CDK15: variants seen among roughly 807,000 people sequenced by gnomAD.
CDK15 encodes the protein cyclin-dependent kinase 15.
A neutral mutation model predicts 60.3 loss-of-function variants in CDK15; 62 were observed. The ratio of observed to expected loss-of-function variants is 1.03; its 90% confidence interval spans 0.84 to 1.27. The LOEUF (loss-of-function observed/expected upper bound fraction) is 1.27, where lower values mean the gene tolerates loss of function less well. Ranked by LOEUF, CDK15 falls within the 50% of genes most tolerant of loss-of-function variation. CDK15 has a pLI of 0.00. For missense variants in CDK15, 541 were observed against 527.8 expected (o/e 1.03, Z -0.25); for synonymous variants, 194 against 195.7 (o/e 0.99, Z 0.07).
chr2:201,878,624 G>A (rs935700303), intron 11 of CDK15, among the ~76,000 whole-genome samples: 6 of 152,024 alleles, frequency 3.9e-5, no homozygotes, highest in African/African-American at 1.5e-4. Flanking sequence ...TCCATCTCAG[G>A]GGAACCAAAA....
chr2:201,847,537 G>T (rs1170267245), intron 9 of CDK15, 63 bp downstream of exon 9: 12 of 1,427,104 alleles, frequency 8.4e-6, no homozygotes, highest in Non-Finnish European at 1.2e-5. Flanking sequence ...AACCAAATTT[G>T]CCTTACAGAC....
At chr2:201,851,013 C>T (rs952155370) in intron 9 of CDK15, among the ~76,000 whole-genome samples, 5 of 152,072 alleles carry the variant, frequency 3.3e-5, no homozygotes, top group Admixed American at 6.6e-5. Context: ...AGAAATTGGC[C>T]GGGCGCAGTG....
intron 11 of CDK15, among the ~76,000 whole-genome samples, chr2:201,875,381 C>T (rs961577741): frequency 3.9e-5 from 6 of 152,156 alleles, no homozygotes; most frequent in Non-Finnish European, 8.8e-5. Context: ...GAATCTACAG[C>T]TCTTCTAGCT....
At chr2:201,870,205 G>A (rs776851027) in intron 10 of CDK15, among the ~76,000 whole-genome samples, 22 of 152,058 alleles carry the variant, frequency 1.4e-4, no homozygotes, top group Non-Finnish European at 2.6e-4. Flanking sequence ...TTTCAAAAAT[G>A]TTTGAGAAAA....
chr2:201,866,214 G>A (rs549683657), intron 10 of CDK15, among the ~76,000 whole-genome samples: 24 of 152,220 alleles, frequency 1.6e-4, no homozygotes, highest in Admixed American at 3.9e-4. Context: ...CAGAGGTGTA[G>A]TTCAGTAGAC....
At chr2:201,849,052 G>C (rs937138493) in intron 9 of CDK15, among the ~76,000 whole-genome samples, 14 of 152,180 alleles carry the variant, frequency 9.2e-5, no homozygotes, top group African/African-American at 1.4e-4. Context: ...TACTGTCATA[G>C]CTTTGGAGTC....
chr2:201,819,892 C>T (rs1380887470), intron 4 of CDK15, among the ~76,000 whole-genome samples: 1 of 152,154 alleles, frequency 6.6e-6, no homozygotes, highest in Non-Finnish European at 1.5e-5. Flanking sequence ...CCTACTCCTA[C>T]AAAAACTGTA....
chr2:201,882,605 A>G lies in CDK15; in HGVS notation c.1198+2438A>G, dbSNP rs1699319500. ...AGAAGATGAAAGCGCCGGTGCCAAG[A>G]GACAGGGAAAGGCGGGGGCAAGATT... On this transcript the variant is annotated intron_variant, in intron 12 of 13. Coordinates refer to ENST00000652192, the MANE Select transcript of CDK15 (RefSeq NM_001366386.2). The surrounding 1 kb of genome is among the most constrained non-coding windows in gnomAD (Gnocchi z 4.0). Among the ~76,000 whole-genome samples, 1 of 150,364 alleles carries G rather than the reference A, an allele frequency of 6.7e-6. No homozygotes were observed.
intron 8 of CDK15, among the ~76,000 whole-genome samples, chr2:201,841,491 T>C (rs775903130): frequency 3.3e-5 from 5 of 152,200 alleles, no homozygotes; most frequent in Admixed American, 2.0e-4. Context: ...ATCCCTCTCC[T>C]CCCATTTTTT....
Position 201,847,388 on chromosome 2 carries a change from G to C in CDK15, c.859G>C (p.Gly287Arg). The change falls in exon 9 of 14, where the codon GGC becomes CGC. Residue 287 changes from glycine (G) to arginine (R), a missense_variant. Coordinates refer to ENST00000652192, the MANE Select transcript of CDK15 (RefSeq NM_001366386.2). ...TCTTATTTCATTTGCTAGGGGTGCA[G>C]GCTGCATCTTTATTGAAATGTTCCA... The part of the protein sequence containing the change: ...YSSELDIWGA[G>R]CIFIEMFQGQ... The C allele has an allele frequency of 6.2e-7, 1 of 1,613,920 alleles. No homozygotes were observed. The highest frequency in any genetic ancestry group is 1.3e-5 in the African/African-American group (1 of 75,012).
At chr2:201,864,596 G>A (rs1162822920) in intron 10 of CDK15, among the ~76,000 whole-genome samples, 1 of 152,188 alleles carries the variant, frequency 6.6e-6, no homozygotes, top group African/African-American at 2.4e-5. Context: ...TGGGATTACA[G>A]GCATAAGCCA....
At chr2:201,848,449 A>G (rs1462689522) in intron 9 of CDK15, among the ~76,000 whole-genome samples, 1 of 152,146 alleles carries the variant, frequency 6.6e-6, no homozygotes, top group African/African-American at 2.4e-5. Flanking sequence ...AGCATTAAAT[A>G]CATTCATATA....
chr2:201,842,954 G>A (rs1283116686), intron 8 of CDK15, among the ~76,000 whole-genome samples: 1 of 152,154 alleles, frequency 6.6e-6, no homozygotes, highest in African/African-American at 2.4e-5. Context: ...GATATGTAGG[G>A]TAAGAGGAGC....
intron 4 of CDK15, among the ~76,000 whole-genome samples, chr2:201,822,373 G>T (rs774842601): frequency 6.6e-6 from 1 of 152,214 alleles, no homozygotes; most frequent in Non-Finnish European, 1.5e-5. Flanking sequence ...GCTTGTGGGA[G>T]TTAGAATTTT....
chr2:201,840,044 A>G (rs1697306944), intron 8 of CDK15, among the ~76,000 whole-genome samples: 2 of 150,914 alleles, frequency 1.3e-5, no homozygotes, highest in Non-Finnish European at 2.9e-5. Context: ...GAATGCAGTG[A>G]CTCAACCTCG....
At position 201,895,548 on chromosome 2, in the gene CDK15, A is replaced by G. The variant is rs1485269204; in HGVS notation, c.*2281A>G. The G allele has an allele frequency of 6.6e-6, 1 of 152,212 alleles. No homozygotes were observed. The highest frequency in any genetic ancestry group is 2.4e-5 in the African/African-American group (1 of 41,456). The allele number at this position is 152,212 out of a possible 1,614,324, so 9.4% of individuals were successfully genotyped here. The stretch of plus-strand genomic sequence containing the variant: ...AAATAAACATTCCTGGAATTTGTGC[A>G]TATTTTTTCATCCCGTGTTTTGGTT... On this transcript the variant is annotated 3_prime_UTR_variant, in exon 14 of 14. Coordinates refer to ENST00000652192, the MANE Select transcript of CDK15 (RefSeq NM_001366386.2).
intron 10 of CDK15, among the ~76,000 whole-genome samples, chr2:201,868,181 A>G (rs1424072485): frequency 6.6e-6 from 1 of 152,224 alleles, no homozygotes. Flanking sequence ...GAAACACCTG[A>G]GTGGGAGAGA....
chr2:201,819,833 G>T (rs1696144569), intron 4 of CDK15, among the ~76,000 whole-genome samples: 5 of 152,192 alleles, frequency 3.3e-5, no homozygotes, highest in Non-Finnish European at 1.5e-5. Context: ...GGTAAAACTA[G>T]TAACTCCAAT....
At position 201,857,232 on chromosome 2, in the gene CDK15, C is replaced by CAAAAAAAAAAAAAAAAAAAA. The variant is rs567723960; in HGVS notation, c.1009+2311_1009+2312insAAAAAAAAAAAAAAAAAAAA. 5.6e-3 allele frequency among the ~76,000 whole-genome samples: 8 copies of CAAAAAAAAAAAAAAAAAAAA among 1,422 alleles called. 1 individual carries two copies. The highest frequency in any genetic ancestry group is 8.6e-3 in the Non-Finnish European group (8 of 928). The allele number at this position is 1,422 out of a possible 152,430, so 0.9% of individuals were successfully genotyped here. A position where few individuals can be genotyped will look rare whatever the true frequency, so the allele number is the denominator to read the frequency against. ...TGGGCGACAGAGCGAGACTCCGTCT[C>CAAAAAAAAAAAAAAAAAAAA]AAAAAAAAAAAAAAAAGATAACTGG... On this transcript the variant is annotated intron_variant, in intron 10 of 13. Coordinates refer to ENST00000652192, the MANE Select transcript of CDK15 (RefSeq NM_001366386.2).
Sources: gnomAD v4.1 joint callset for allele counts (sites outside exome capture counted in the v4.1 genomes callset) on GRCh38, gnomAD v4.1.1 for gene constraint, Gnocchi (gnomAD v3.1) non-coding constraint, MANE v1.5 for transcripts, NCBI Gene and HGNC (gene_info 2026-07-23, HGNC 2026-07-21) for gene names.